CACNA1B: variants seen among roughly 807,000 people sequenced by gnomAD.
CACNA1B encodes the protein calcium voltage-gated channel subunit alpha1 B.
CACNA1B carries 70 observed loss-of-function variants against 247.2 expected under a neutral mutation model. The ratio of observed to expected loss-of-function variants is 0.28; its 90% CI spans 0.23 to 0.35. CACNA1B has a LOEUF of 0.35. CACNA1B is among the 10% of genes least tolerant of loss of function. The pLI is 1.00. For synonymous variants in CACNA1B, 1,231 were observed against 1,294.4 expected, an observed-to-expected ratio of 0.95 and a Z score of 1.05; for missense variants, 2,367 against 3,197.4, an observed-to-expected ratio of 0.74 and a Z score of 6.26.
intron 32 of CACNA1B, among the ~76,000 whole-genome samples, chr9:138,071,772 A>G (rs1960142214): frequency 6.6e-6 from 1 of 151,858 alleles, no homozygotes; most frequent in Non-Finnish European, 1.5e-5. Context: ...TATTTTCCCC[A>G]GTGTCTTCAG....
At chr9:138,093,293 G>T (rs1271483540) in intron 36 of CACNA1B, among the ~76,000 whole-genome samples, 1 of 149,020 alleles carries the variant, frequency 6.7e-6, no homozygotes, top group Non-Finnish European at 1.5e-5. Context: ...GGTGGTACAT[G>T]TCTAATCCCA....
At chr9:138,077,867 G>A (rs766616013) in intron 35 of CACNA1B, among the ~76,000 whole-genome samples, 12 of 152,372 alleles carry the variant, frequency 7.9e-5, no homozygotes, top group South Asian at 4.1e-4. Flanking sequence ...AGAAGTGCTC[G>A]CCCTGGCGCT....
At chr9:137,985,963 A>G (rs901696109) in intron 13 of CACNA1B, among the ~76,000 whole-genome samples, 1 of 152,202 alleles carries the variant, frequency 6.6e-6, no homozygotes, top group Non-Finnish European at 1.5e-5. Flanking sequence ...GCGCTTGCAG[A>G]TCTGCTGTAG....
At chr9:137,940,854 A>C (rs1003539371) in intron 6 of CACNA1B, among the ~76,000 whole-genome samples, 1 of 152,236 alleles carries the variant, frequency 6.6e-6, no homozygotes, top group Non-Finnish European at 1.5e-5. Flanking sequence ...ACCTTCGACA[A>C]AATTCAGCAT....
Position 138,052,288 on chromosome 9 carries a change from T to G in CACNA1B, c.3807+100T>G. On this transcript the variant is annotated intron_variant, in intron 25 of 46. Transcript: ENST00000371372. The surrounding 1 kb of genome is among the most constrained non-coding windows in gnomAD (Gnocchi z 5.1). ...TATGCATGCAGTGCATGAGTGTGTG[T>G]GTGTTCACATCACACCCCTGTGTGA... is the stretch of plus-strand genomic sequence containing the variant. 5.8e-6 allele frequency: 4 copies of G among 684,680 alleles called. No individual in the cohort carries two copies. In the South Asian group the frequency reaches 6.6e-5, roughly 11 times the overall value. The allele number at this position is 684,680 out of a possible 1,614,324, so 42.4% of individuals were successfully genotyped here. A position where few individuals can be genotyped will look rare whatever the true frequency, so the allele number is the denominator to read the frequency against.
rs572300131 is a variant in CACNA1B, at chr9:138,105,553, C to T, written c.5320-146C>T. ...GTGTGAATGCTGGCAAAACTCCCAC[C>T]CGCCCCACCTCACTCAGGCCTAGGC... On this transcript the variant is annotated intron_variant, in intron 38 of 46. Coordinates refer to ENST00000371372, the MANE Select transcript of CACNA1B (RefSeq NM_000718.4). The T allele has an allele frequency of 1.0e-3, 590 of 592,662 alleles. 3 individuals are homozygous for T. Among genetic ancestry groups the T allele is most frequent in the Middle Eastern group, 9.6e-3 (30 of 3,140 alleles). 36.7% of individuals were successfully genotyped at this position (592,662 alleles called of 1,614,324 possible).
At chr9:137,896,178 G>C (rs1220536749) in intron 3 of CACNA1B, among the ~76,000 whole-genome samples, 1 of 150,100 alleles carries the variant, frequency 6.7e-6, no homozygotes, top group East Asian at 2.0e-4. Context: ...GGCGGAGCTT[G>C]CAGTGAGCCG....
At chr9:137,908,271 T>C (rs1957319334) in intron 3 of CACNA1B, among the ~76,000 whole-genome samples, 1 of 152,142 alleles carries the variant, frequency 6.6e-6, no homozygotes, top group Admixed American at 6.5e-5. Flanking sequence ...ATCCCAGTAC[T>C]TTGGGAGGCT....
intron 31 of CACNA1B, among the ~76,000 whole-genome samples, chr9:138,065,777 T>G (rs60928282): frequency 0.034 from 5,180 of 152,268 alleles, 291 homozygotes; most frequent in African/African-American, 0.12. Context: ...AGCTCTACCA[T>G]CCTTACAGCG....
chr9:137,966,704 A>C (rs1361922428), intron 10 of CACNA1B, among the ~76,000 whole-genome samples: 1 of 149,082 alleles, frequency 6.7e-6, no homozygotes, highest in Admixed American at 6.7e-5. Flanking sequence ...ACGCCCAGCT[A>C]ATTTTTTGTA....
chr9:138,029,406 G>T (rs1471276542), intron 20 of CACNA1B, among the ~76,000 whole-genome samples: 1 of 152,036 alleles, frequency 6.6e-6, no homozygotes, highest in Non-Finnish European at 1.5e-5. Flanking sequence ...TTTTTGTATG[G>T]ATGTTGGTCT....
At chr9:138,076,578 G>A (rs946579160) in intron 35 of CACNA1B, among the ~76,000 whole-genome samples, 28 of 152,344 alleles carry the variant, frequency 1.8e-4, no homozygotes, top group African/African-American at 6.7e-4. Context: ...GTGGAGATGT[G>A]CCAGGAGAGG....
chr9:137,989,672 C>T (rs1224941349), intron 15 of CACNA1B, among the ~76,000 whole-genome samples: 6 of 152,092 alleles, frequency 3.9e-5, no homozygotes, highest in Admixed American at 2.6e-4. Context: ...AATCACTATT[C>T]GCCAAGAATT....
At chr9:138,112,143 C>G (rs530780921) in intron 39 of CACNA1B, among the ~76,000 whole-genome samples, 55 of 116,424 alleles carry the variant, frequency 4.7e-4, no homozygotes, top group African/African-American at 1.5e-3. Context: ...ACACGTCGGA[C>G]ACACACGTGT....
Position 138,094,457 on chromosome 9 carries a change from A to AAAAAAAAAAAAAAAAAAAAAAGAAG in CACNA1B, c.5095-2025_5095-2024insAAAAAAAAAAAAAAAAAAAGAAGAA, listed in dbSNP as rs752912258. 3.1e-3 allele frequency among the ~76,000 whole-genome samples: 416 copies of AAAAAAAAAAAAAAAAAAAAAAGAAG among 134,120 alleles called. 2 individuals carry two copies. Among genetic ancestry groups the AAAAAAAAAAAAAAAAAAAAAAGAAG allele is most frequent in the East Asian group, 8.7e-3 (33 of 3,776 alleles). 88.0% of individuals were successfully genotyped at this position (134,120 alleles called of 152,430 possible). A position where few individuals can be genotyped will look rare whatever the true frequency, so the allele number is the denominator to read the frequency against. ...TTTACTACAGTAAAAAAAAAAAAAA[A>AAAAAAAAAAAAAAAAAAAAAAGAAG]AAGAAGAAGAAGAAGAAAGTGAACA... On this transcript the variant is annotated intron_variant, in intron 36 of 46. Transcript: ENST00000371372.
Position 138,121,416 on chromosome 9 carries a change from GC to G in CACNA1B, c.6490-52del, listed in dbSNP as rs1191266791. The G allele has an allele frequency of 8.4e-6, 8 of 957,098 alleles. No homozygotes were observed. The highest frequency in any genetic ancestry group is 3.0e-5 in the Admixed American group (1 of 33,294). 59.3% of individuals were successfully genotyped at this position (957,098 alleles called of 1,614,324 possible). On this transcript the variant is annotated intron_variant, in intron 46 of 46. Transcript: ENST00000371372. The surrounding 1 kb of genome is among the most constrained non-coding windows in gnomAD (Gnocchi z 6.8). ...GTGATGTGCTCTGTCTGTTGGTTCGGCTTTTTTTTTTTTTTTTTTACCTCTG... is the reference window on the plus strand; with the variant it reads ...GTGATGTGCTCTGTCTGTTGGTTCGGTTTTTTTTTTTTTTTTTTACCTCTG...
At chr9:138,110,347 T>G (rs1961579802) in intron 39 of CACNA1B, among the ~76,000 whole-genome samples, 1 of 151,994 alleles carries the variant, frequency 6.6e-6, no homozygotes, top group African/African-American at 2.4e-5. Context: ...ACTCCTGACC[T>G]CAAATGATCC....
At chr9:137,908,503 G>A (rs1047636195) in intron 3 of CACNA1B, among the ~76,000 whole-genome samples, 1 of 151,948 alleles carries the variant, frequency 6.6e-6, no homozygotes. Context: ...GCGACAGAGT[G>A]AGACTCCGTC....
Position 138,023,799 on chromosome 9 carries a change from A to C in CACNA1B, c.3056A>C (p.Asn1019Thr). ...VEADKEKELR[N>T]HQPREPHCDL... The stretch of plus-strand genomic sequence containing the variant: ...GCCGACAAGGAAAAGGAGCTCCGGA[A>C]CCACCAGCCCCGGTGAGTCCGCGGC... The change falls in exon 19 of 47, where the codon AAC (asparagine) becomes ACC (threonine). Residue 1019 changes from asparagine (N) to threonine (T), a missense_variant. Asn to Thr is a moderately conservative substitution (Grantham distance 65). Transcript: ENST00000371372. 1.4e-6 allele frequency: 2 copies of C among 1,408,844 alleles called. No homozygotes were observed. The highest frequency in any genetic ancestry group is 2.0e-6 in the Non-Finnish European group (2 of 1,018,972). 87.3% of individuals were successfully genotyped at this position (1,408,844 alleles called of 1,614,324 possible). A position where few individuals can be genotyped will look rare whatever the true frequency, so the allele number is the denominator to read the frequency against.
Sources: allele counts gnomAD v4.1 joint callset (sites outside exome capture counted in the v4.1 genomes callset), GRCh38; gene constraint gnomAD v4.1.1; non-coding constraint Gnocchi (gnomAD v3.1); transcripts MANE v1.5; gene names NCBI Gene and HGNC (gene_info 2026-07-23, HGNC 2026-07-21).